The following SEC24B variants were observed in gnomAD, a reference collection of about 807,000 sequenced individuals.
SEC24B encodes SEC24 homolog B, COPII component, also known as protein transport protein Sec24B.
SEC24B carries 45 observed loss-of-function variants against 142.8 expected under a neutral mutation model. The ratio of observed to expected loss-of-function variants is 0.32; its 90% CI spans 0.25 to 0.40. SEC24B has a LOEUF of 0.40. SEC24B is among the 10% of genes least tolerant of loss of function. The pLI is 1.00. For missense variants in SEC24B, 1,409 were observed against 1,526.8 expected, an observed-to-expected ratio of 0.92 and a Z score of 1.29; for synonymous variants, 574 against 568.2, an observed-to-expected ratio of 1.01 and a Z score of -0.15.
At chr4:109,460,259 T>C (rs1731118594) in intron 1 of SEC24B, among the ~76,000 whole-genome samples, 1 of 152,176 alleles carries the variant, frequency 6.6e-6, no homozygotes, top group African/African-American at 2.4e-5. Context: ...TTAGAAAATG[T>C]ATGCTTTATT....
chr4:109,482,936 CTATATA>C (rs775978447), intron 4 of SEC24B, among the ~76,000 whole-genome samples: 474 of 34,522 alleles, frequency 0.014, 11 homozygotes, highest in Non-Finnish European at 0.017. Context: ...CAGGCTTGTA[CTATATA>C]TATATATATA....
chr4:109,481,177 T>C (rs1733702047), intron 3 of SEC24B, among the ~76,000 whole-genome samples: 1 of 152,208 alleles, frequency 6.6e-6, no homozygotes, highest in Non-Finnish European at 1.5e-5. Context: ...TTTTTTTCTT[T>C]AACTGTGATT....
chr4:109,437,969 G>T (rs1261031605), intron 1 of SEC24B, among the ~76,000 whole-genome samples: 1 of 152,150 alleles, frequency 6.6e-6, no homozygotes, highest in Non-Finnish European at 1.5e-5. Context: ...ATTGTATATA[G>T]ATCCCTGATA....
chr4:109,448,204 T>C lies in SEC24B; in HGVS notation c.133+14202T>C, dbSNP rs72672671. On this transcript the variant is annotated intron_variant, in intron 1 of 23. Transcript: ENST00000265175. ...CTAACATATTCACAAGTTTCAGAGA[T>C]TAGGATATGGACATATGTTTTATTG... Among the ~76,000 whole-genome samples the C allele has an allele frequency of 4.6e-3, 697 of 152,294 alleles. 5 individuals carry two copies. Among genetic ancestry groups the C allele is most frequent in the Admixed American group, 7.9e-3 (121 of 15,296 alleles).
chr4:109,458,826 T>G (rs1730967524), intron 1 of SEC24B, among the ~76,000 whole-genome samples: 2 of 148,644 alleles, frequency 1.3e-5, no homozygotes, highest in Non-Finnish European at 3.0e-5. Context: ...ATTTGATCAC[T>G]TTCTGTATTT....
At chr4:109,514,650 A>G (rs1561162525) in intron 10 of SEC24B, among the ~76,000 whole-genome samples, 1 of 152,216 alleles carries the variant, frequency 6.6e-6, no homozygotes, top group Non-Finnish European at 1.5e-5. Flanking sequence ...GTGAGCCAAG[A>G]TTGTGCCATG....
At chr4:109,439,856 T>C (rs1441871540) in intron 1 of SEC24B, among the ~76,000 whole-genome samples, 1 of 151,198 alleles carries the variant, frequency 6.6e-6, no homozygotes, top group East Asian at 2.0e-4. Context: ...CATGGTGGCT[T>C]ACGCCTGTAA....
chr4:109,538,993 C>G (rs11936024), intron 23 of SEC24B, among the ~76,000 whole-genome samples: 2,239 of 151,886 alleles, frequency 0.015, 37 homozygotes, highest in African/African-American at 0.038. Context: ...CAAAGTTTCG[C>G]TCTTGTCACC....
intron 6 of SEC24B, among the ~76,000 whole-genome samples, chr4:109,502,508 TAGATAAG>T (rs1237642969): frequency 6.6e-6 from 1 of 152,186 alleles, no homozygotes; most frequent in Non-Finnish European, 1.5e-5. Flanking sequence ...AAAAAGTGAA[TAGATAAG>T]AGATAACTTT....
chr4:109,503,904 T>C (rs965158978), intron 6 of SEC24B, among the ~76,000 whole-genome samples: 2 of 152,130 alleles, frequency 1.3e-5, no homozygotes, highest in Admixed American at 6.5e-5. Flanking sequence ...ATGTATCTTC[T>C]CTCTCTGATT....
chr4:109,524,074 T>C (rs1723953693), intron 14 of SEC24B, among the ~76,000 whole-genome samples: 1 of 152,196 alleles, frequency 6.6e-6, no homozygotes, highest in Non-Finnish European at 1.5e-5. Context: ...CTGTGGTGTT[T>C]TGAACACAGG....
chr4:109,537,536 G>A (rs1725691199), intron 22 of SEC24B, among the ~76,000 whole-genome samples: 1 of 152,190 alleles, frequency 6.6e-6, no homozygotes, highest in African/African-American at 2.4e-5. Flanking sequence ...TGGGAGGCTA[G>A]GAGGCTGAGG....
intron 18 of SEC24B, 64 bp downstream of exon 18, chr4:109,527,496 G>A: frequency 8.3e-7 from 1 of 1,210,878 alleles, no homozygotes; most frequent in Non-Finnish European, 1.2e-6. Flanking sequence ...AAGCTTGGCT[G>A]GTGGCAGTGC....
intron 1 of SEC24B, among the ~76,000 whole-genome samples, chr4:109,444,021 G>A (rs1320928862): frequency 6.6e-6 from 1 of 151,822 alleles, no homozygotes; most frequent in Non-Finnish European, 1.5e-5. Context: ...TCAGGAGTTC[G>A]AGACCAGCCT....
At chr4:109,501,386 A>G (rs1182282504) in intron 6 of SEC24B, among the ~76,000 whole-genome samples, 1 of 152,230 alleles carries the variant, frequency 6.6e-6, no homozygotes, top group Non-Finnish European at 1.5e-5. Context: ...TGTCCTCATC[A>G]TTAAGCGACG....
chr4:109,460,761 T>C (rs913196554), intron 1 of SEC24B, among the ~76,000 whole-genome samples: 2 of 150,532 alleles, frequency 1.3e-5, no homozygotes, highest in Non-Finnish European at 3.0e-5. Context: ...TAATGTAATA[T>C]ATTAATATAT....
intron 10 of SEC24B, among the ~76,000 whole-genome samples, chr4:109,514,812 ATTT>A (rs1737749569): frequency 6.6e-6 from 1 of 152,188 alleles, no homozygotes; most frequent in South Asian, 2.1e-4. Context: ...TGTGCATTAA[ATTT>A]TTGGCGCCTG....
At chr4:109,506,637 T>C (rs1256056944) in intron 7 of SEC24B, 125 bp downstream of exon 7, 2 of 668,738 alleles carry the variant, frequency 3.0e-6, no homozygotes, top group Non-Finnish European at 4.5e-6. Context: ...TTTTCTCTTT[T>C]AGTTTGTATA....
rs112555695 is a variant in SEC24B at position 109,476,701 on chromosome 4, A to G, written c.1060+3515A>G. ...GTAGTTGTTAACATTATTATTTCAT[A>G]TAACAGTTTGTAATTTGCAAATCCC... is the stretch of plus-strand genomic sequence containing the variant. On this transcript the variant is annotated intron_variant, in intron 3 of 23. Transcript: ENST00000265175. 1.6e-5 allele frequency among the ~76,000 whole-genome samples: 2 copies of G among 126,386 alleles called. 1 individual carries two copies. The highest frequency in any genetic ancestry group is 3.0e-5 in the Non-Finnish European group (2 of 67,684). The allele number at this position is 126,386 out of a possible 152,430, so 82.9% of individuals were successfully genotyped here.
Sources: allele counts gnomAD v4.1 joint callset (sites outside exome capture counted in the v4.1 genomes callset), GRCh38; gene constraint gnomAD v4.1.1; transcripts MANE v1.5; gene names NCBI Gene and HGNC (gene_info 2026-07-23, HGNC 2026-07-21).